The following DRC11 variants were observed in gnomAD, a reference collection of about 807,000 sequenced individuals.
DRC11 encodes dynein regulatory complex subunit 11.
At chr2:236,490,235 G>A in the DRC11 span, among the ~76,000 whole-genome samples, 1 of 152,176 alleles carries the variant, frequency 6.6e-6, no homozygotes, top group South Asian at 2.1e-4. This position sits in a 1 kb window ranked among gnomAD's most constrained non-coding sequence, Gnocchi z 5.5. Context: ...CTCCAAGGCT[G>A]GTGTTACTGT....
chr2:236,493,149 C>CA, the DRC11 span, among the ~76,000 whole-genome samples: 1 of 152,176 alleles, frequency 6.6e-6, no homozygotes, highest in Non-Finnish European at 1.5e-5. Context: ...GCAGACAAGA[C>CA]AGTTTGTGCA....
At chr2:236,356,812 C>T in the DRC11 span, among the ~76,000 whole-genome samples, 1 of 151,148 alleles carries the variant, frequency 6.6e-6, no homozygotes, top group Non-Finnish European at 1.5e-5. Context: ...AACAGCCCTG[C>T]CTTATAACTT....
chr2:236,357,495 A>T, the DRC11 span, among the ~76,000 whole-genome samples: 7 of 127,418 alleles, frequency 5.5e-5, no homozygotes, highest in Non-Finnish European at 7.7e-5. Context: ...TATTATAAAT[A>T]CATATTTACA....
At chr2:236,506,662 G>A in the DRC11 span, among the ~76,000 whole-genome samples, 1 of 152,216 alleles carries the variant, frequency 6.6e-6, no homozygotes, top group African/African-American at 2.4e-5. This position sits in a 1 kb window ranked among gnomAD's most constrained non-coding sequence, Gnocchi z 4.9. Flanking sequence ...CAGGGTTGCT[G>A]TGAAGCGGTT....
At chr2:236,309,984 C>A in the DRC11 span, among the ~76,000 whole-genome samples, 1 of 152,328 alleles carries the variant, frequency 6.6e-6, no homozygotes, top group East Asian at 1.9e-4. The surrounding 1 kb of genome is among the most constrained non-coding windows in gnomAD (Gnocchi z 5.7). Context: ...GGGTGGCAAG[C>A]TCTCTGGTGC....
At chr2:236,410,389 T>C in the DRC11 span, among the ~76,000 whole-genome samples, 1 of 151,992 alleles carries the variant, frequency 6.6e-6, no homozygotes. Context: ...CTCAAGGAAA[T>C]AAAAGAGGAT....
the DRC11 span, among the ~76,000 whole-genome samples, chr2:236,468,936 T>C: frequency 6.6e-6 from 1 of 152,368 alleles, no homozygotes; most frequent in Admixed American, 6.5e-5. Context: ...CCTTCATAGA[T>C]GTTTACAGAC....
At chr2:236,330,475 T>C in the DRC11 span, among the ~76,000 whole-genome samples, 1 of 152,158 alleles carries the variant, frequency 6.6e-6, no homozygotes, top group East Asian at 1.9e-4. The surrounding 1 kb of genome is among the most constrained non-coding windows in gnomAD (Gnocchi z 5.5). Flanking sequence ...ATTATGACTA[T>C]TTTTCACCTT....
At chr2:236,339,818 A>G in the DRC11 span, among the ~76,000 whole-genome samples, 1 of 152,240 alleles carries the variant, frequency 6.6e-6, no homozygotes, top group African/African-American at 2.4e-5. Flanking sequence ...GGTAAGTTGG[A>G]AAATGAAATT....
chr2:236,502,435 G>A, the DRC11 span, among the ~76,000 whole-genome samples: 1 of 150,946 alleles, frequency 6.6e-6, no homozygotes, highest in Non-Finnish European at 1.5e-5. Context: ...AAATTAGCTG[G>A]GCATGGTGGC....
chr2:236,411,425 GGAACACTT>G, the DRC11 span, among the ~76,000 whole-genome samples: 6 of 151,150 alleles, frequency 4.0e-5, no homozygotes, highest in Non-Finnish European at 8.9e-5. Context: ...TGGAGAAATA[GGAACACTT>G]TTACACTGTT....
At chr2:236,480,076 C>T in the DRC11 span, among the ~76,000 whole-genome samples, 7 of 149,692 alleles carry the variant, frequency 4.7e-5, no homozygotes, top group Non-Finnish European at 8.9e-5. Context: ...TCTACTACCT[C>T]CTGGCCTGTA....
At chr2:236,307,355 T>C in the DRC11 span, among the ~76,000 whole-genome samples, 109 of 152,186 alleles carry the variant, frequency 7.2e-4, 1 homozygote, top group Non-Finnish European at 1.3e-3. The surrounding 1 kb of genome is among the most constrained non-coding windows in gnomAD (Gnocchi z 7.0). Context: ...AAAAGCACCA[T>C]TCAAAGGAGA....
chr2:236,486,987 C>A, the DRC11 span: 6 of 932,762 alleles, frequency 6.4e-6, no homozygotes, highest in Non-Finnish European at 1.0e-5. This position sits in a 1 kb window ranked among gnomAD's most constrained non-coding sequence, Gnocchi z 5.7. Context: ...AACTGCACAT[C>A]TCAAAATGCC....
the DRC11 span, among the ~76,000 whole-genome samples, chr2:236,464,453 T>G: frequency 6.6e-6 from 1 of 152,152 alleles, no homozygotes; most frequent in South Asian, 2.1e-4. Context: ...TAAAATTGAT[T>G]TAAAATCTCT....
chr2:236,359,089 C>T, the DRC11 span, among the ~76,000 whole-genome samples: 20 of 151,980 alleles, frequency 1.3e-4, no homozygotes, highest in Non-Finnish European at 2.9e-4. This position sits in a 1 kb window ranked among gnomAD's most constrained non-coding sequence, Gnocchi z 4.3. Context: ...CAGGGCAGGG[C>T]GCAGGGAAGG....
At chr2:236,341,108 G>A in the DRC11 span, among the ~76,000 whole-genome samples, 6 of 152,176 alleles carry the variant, frequency 3.9e-5, no homozygotes, top group Admixed American at 2.0e-4. Flanking sequence ...TAGCATCCAC[G>A]CAGCAATTTC....
chr2:236,503,854 C>T, the DRC11 span, among the ~76,000 whole-genome samples: 44 of 152,212 alleles, frequency 2.9e-4, no homozygotes, highest in South Asian at 9.1e-3. The surrounding 1 kb of genome is among the most constrained non-coding windows in gnomAD (Gnocchi z 4.9). Context: ...GCCCCACCTC[C>T]TCGCCCTGCA....
the DRC11 span, among the ~76,000 whole-genome samples, chr2:236,419,429 C>T: frequency 6.6e-6 from 1 of 152,198 alleles, no homozygotes; most frequent in African/African-American, 2.4e-5. This position sits in a 1 kb window ranked among gnomAD's most constrained non-coding sequence, Gnocchi z 4.8. Context: ...TGGTGGGGCT[C>T]CTGCCTACCA....
Sources: allele counts gnomAD v4.1 joint callset (sites outside exome capture counted in the v4.1 genomes callset), GRCh38; gene constraint gnomAD v4.1.1; non-coding constraint Gnocchi (gnomAD v3.1); transcripts MANE v1.5; gene names NCBI Gene and HGNC (gene_info 2026-07-23, HGNC 2026-07-21).